The following DCAF17 variants were observed in gnomAD, a reference collection of about 807,000 sequenced individuals.
DCAF17 encodes DDB1 and CUL4 associated factor 17.
Under a neutral mutation model 66.0 loss-of-function variants are expected in DCAF17, and 48 were observed. That is an observed-to-expected ratio of 0.73 (90% CI 0.58 to 0.92). The LOEUF (loss-of-function observed/expected upper bound fraction) is 0.92, where lower values mean the gene tolerates loss of function less well. Ranked by LOEUF, DCAF17 falls within the 40% of genes least tolerant of loss-of-function variation. The pLI, the probability that DCAF17 is intolerant of heterozygous loss-of-function variation, is 0.00. For synonymous variants in DCAF17, 206 were observed against 214.6 expected, an observed-to-expected ratio of 0.96 and a Z score of 0.35; for missense variants, 562 against 622.8, an observed-to-expected ratio of 0.90 and a Z score of 1.04.
chr2:171,484,362 CATTTT>C lies in DCAF17; in HGVS notation c.*3252_*3256del. ...AGACCTACTGAGGTCTTTTTCCCATCATTTTATTATGAAAAATGTTCAAACATACA... is the reference window on the plus strand; with the variant it reads ...AGACCTACTGAGGTCTTTTTCCCATCATTATGAAAAATGTTCAAACATACA... On this transcript the variant is annotated 3_prime_UTR_variant, in exon 14 of 14. Coordinates refer to ENST00000375255, the MANE Select transcript of DCAF17 (RefSeq NM_025000.4). 2.6e-6 allele frequency: 1 copy of C among 389,204 alleles called. No homozygotes were observed. 24.1% of individuals were successfully genotyped at this position (389,204 alleles called of 1,614,324 possible). A position where few individuals can be genotyped will look rare whatever the true frequency, so the allele number is the denominator to read the frequency against.
At position 171,482,991 on chromosome 2, in the gene DCAF17, C is replaced by G. The variant is rs1396749297; in HGVS notation, c.*1877C>G. ...TGTAACAAACAGGAGAGCTATGCCC[C>G]AACTAAAAGGAGCAGCTGCTACTGC... On this transcript the variant is annotated 3_prime_UTR_variant, in exon 14 of 14. Transcript: ENST00000375255. 1 of 454,044 alleles carries G rather than the reference C, an allele frequency of 2.2e-6. No individual in the cohort carries two copies. Among genetic ancestry groups the G allele is most frequent in the South Asian group, 1.6e-5 (1 of 64,474 alleles). The allele number at this position is 454,044 out of a possible 1,614,324, so 28.1% of individuals were successfully genotyped here.
At chr2:171,479,619 G>T in intron 12 of DCAF17, 1 of 191,318 alleles carries the variant, frequency 5.2e-6, no homozygotes, top group Non-Finnish European at 1.1e-5. Context: ...TTTCTGGTGT[G>T]AGAAATTTCA....
intron 2 of DCAF17, among the ~76,000 whole-genome samples, chr2:171,437,712 A>G (rs1224797170): frequency 6.6e-6 from 1 of 152,172 alleles, no homozygotes; most frequent in Non-Finnish European, 1.5e-5. Context: ...ACTTATTCAT[A>G]ATATTTCTTT....
chr2:171,434,595 G>A lies in DCAF17; in HGVS notation c.18G>A (p.Lys6=). 1 of 1,527,828 alleles carries A rather than the reference G, an allele frequency of 6.5e-7. No individual in the cohort carries two copies. Among genetic ancestry groups the A allele is most frequent in the Non-Finnish European group, 8.7e-7 (1 of 1,143,994 alleles). 94.6% of individuals were successfully genotyped at this position (1,527,828 alleles called of 1,614,324 possible). MGPTR[K]PNVCSRLSRR... Reference sequence around the variant, plus strand: ...GCGCCTCCATGGGCCCGACCCGGAAGCCCAACGTGTGCAGCCGGCTGAGTC... The same window carrying A: ...GCGCCTCCATGGGCCCGACCCGGAAACCCAACGTGTGCAGCCGGCTGAGTC... Residue 6 remains lysine, a synonymous_variant, in exon 1 of 14, where the codon AAG becomes AAA. Coordinates refer to ENST00000375255, the MANE Select transcript of DCAF17 (RefSeq NM_025000.4).
chr2:171,457,403 C>G (rs10490604), intron 6 of DCAF17, among the ~76,000 whole-genome samples: 43,578 of 151,972 alleles, frequency 0.29, 6,530 homozygotes, highest in African/African-American at 0.38. Flanking sequence ...GATTAAGCTG[C>G]TGAATTGTAT....
chr2:171,437,066 G>A (rs373359005), intron 2 of DCAF17, among the ~76,000 whole-genome samples: 23 of 152,074 alleles, frequency 1.5e-4, no homozygotes, highest in African/African-American at 4.6e-4. Context: ...GAGCCACCGC[G>A]TCCAGCCACA....
chr2:171,455,530 G>A (rs1212207885), intron 6 of DCAF17, among the ~76,000 whole-genome samples: 1 of 152,230 alleles, frequency 6.6e-6, no homozygotes, highest in African/African-American at 2.4e-5. Context: ...TATATACCCA[G>A]TAATGGGATT....
intron 8 of DCAF17, 39 bp downstream of exon 8, chr2:171,458,516 T>A (rs1270686997): frequency 2.8e-6 from 4 of 1,450,938 alleles, no homozygotes; most frequent in Admixed American, 1.7e-5. Context: ...CTTAAAAAAA[T>A]TAAGTGGTCA....
At chr2:171,459,721 A>G (rs1695465391) in intron 8 of DCAF17, among the ~76,000 whole-genome samples, 1 of 152,220 alleles carries the variant, frequency 6.6e-6, no homozygotes, top group South Asian at 2.1e-4. Context: ...AAAGGAAAAA[A>G]ATATTATTTT....
intron 5 of DCAF17, among the ~76,000 whole-genome samples, chr2:171,450,981 C>T (rs1357988823): frequency 6.6e-6 from 1 of 151,710 alleles, no homozygotes; most frequent in Non-Finnish European, 1.5e-5. Context: ...TAGTAAGCTG[C>T]CCCTTCTTGA....
chr2:171,453,089 T>G, intron 5 of DCAF17, 35 bp from the exon 6 acceptor site: 74 of 1,481,436 alleles, frequency 5.0e-5, no homozygotes, highest in Non-Finnish European at 6.1e-5. Flanking sequence ...GAAGTACTTT[T>G]GAGAGCTGCG....
chr2:171,437,813 A>G (rs1694058972), intron 2 of DCAF17, among the ~76,000 whole-genome samples: 1 of 152,174 alleles, frequency 6.6e-6, no homozygotes, highest in Non-Finnish European at 1.5e-5. Context: ...TTTCAAAAAA[A>G]CAGCTTTTGG....
At chr2:171,466,159 T>C (rs1695885785) in intron 8 of DCAF17, among the ~76,000 whole-genome samples, 1 of 152,172 alleles carries the variant, frequency 6.6e-6, no homozygotes, top group South Asian at 2.1e-4. Context: ...CCACCACACC[T>C]GGGCAAATTT....
At chr2:171,466,103 A>G (rs981318668) in intron 8 of DCAF17, among the ~76,000 whole-genome samples, 2 of 152,076 alleles carry the variant, frequency 1.3e-5, no homozygotes, top group Non-Finnish European at 2.9e-5. Flanking sequence ...GGCTCAAGCA[A>G]TCCACCCACC....
At chr2:171,473,787 A>G in intron 9 of DCAF17, 79 bp from the exon 10 acceptor site, 1 of 1,134,192 alleles carries the variant, frequency 8.8e-7, no homozygotes, top group Non-Finnish European at 1.3e-6. Context: ...TGACCTACTG[A>G]TCTATCACTT....
intron 3 of DCAF17, among the ~76,000 whole-genome samples, chr2:171,447,997 G>A (rs1694730270): frequency 6.6e-6 from 1 of 152,158 alleles, no homozygotes; most frequent in Non-Finnish European, 1.5e-5. Context: ...TTGGTTTCTA[G>A]CTTTTCATTT....
chr2:171,484,973 C>A lies in DCAF17; in HGVS notation c.*3859C>A. 1 of 453,740 alleles carries A rather than the reference C, an allele frequency of 2.2e-6. No homozygotes were observed. The highest frequency in any genetic ancestry group is 4.4e-6 in the Non-Finnish European group (1 of 226,684). The allele number at this position is 453,740 out of a possible 1,614,324, so 28.1% of individuals were successfully genotyped here. A position where few individuals can be genotyped will look rare whatever the true frequency, so the allele number is the denominator to read the frequency against. Reference sequence around the variant, plus strand: ...AATATATCACAGTTTGTTTTTTTATCTTTCTGTTGATGGACACTGGGCTCT... The same window carrying A: ...AATATATCACAGTTTGTTTTTTTATATTTCTGTTGATGGACACTGGGCTCT... On this transcript the variant is annotated 3_prime_UTR_variant, in exon 14 of 14. Coordinates refer to ENST00000375255, the MANE Select transcript of DCAF17 (RefSeq NM_025000.4).
intron 12 of DCAF17, 26 bp from the exon 13 acceptor site, chr2:171,480,012 C>G (rs1247559719): frequency 6.2e-7 from 1 of 1,611,858 alleles, no homozygotes; most frequent in Non-Finnish European, 8.5e-7. Context: ...GCCCCTTTCC[C>G]TCTATTTTAT....
intron 9 of DCAF17, among the ~76,000 whole-genome samples, chr2:171,469,346 A>T (rs1008410352): frequency 1.3e-5 from 2 of 152,200 alleles, no homozygotes; most frequent in African/African-American, 4.8e-5. Context: ...ATGTGTTCAC[A>T]TTGCTTCTGA....
Sources: gnomAD v4.1 joint callset for allele counts (sites outside exome capture counted in the v4.1 genomes callset) on GRCh38, gnomAD v4.1.1 for gene constraint, MANE v1.5 for transcripts, NCBI Gene and HGNC (gene_info 2026-07-23, HGNC 2026-07-21) for gene names.